LHFPL2: variants seen among roughly 807,000 people sequenced by gnomAD.
LHFPL2 encodes the protein LHFPL tetraspan subfamily member 2, also known as LHFPL tetraspan subfamily member 2 protein.
LHFPL2 carries 7 observed loss-of-function variants against 17.5 expected under a neutral mutation model. That is an observed-to-expected ratio of 0.40 (90% CI 0.23 to 0.75). The LOEUF is 0.75. LHFPL2 is among the 30% of genes least tolerant of loss of function. The probability of loss-of-function intolerance (pLI) is 0.37; values close to 1 mark genes in which losing one functional copy is unlikely to be tolerated. For missense variants in LHFPL2, 241 were observed against 294.8 expected, an observed-to-expected ratio of 0.82 and a Z score of 1.34; for synonymous variants, 134 against 116.2, an observed-to-expected ratio of 1.15 and a Z score of -0.99.
chr5:78,548,862 G>T (rs927284113), intron 3 of LHFPL2, among the ~76,000 whole-genome samples: 4 of 152,198 alleles, frequency 2.6e-5, no homozygotes, highest in Non-Finnish European at 5.9e-5. Context: ...CAGAAATTTA[G>T]ATTTAAACCA....
chr5:78,561,949 C>A (rs1212284077), intron 3 of LHFPL2, among the ~76,000 whole-genome samples: 1 of 152,192 alleles, frequency 6.6e-6, no homozygotes, highest in Non-Finnish European at 1.5e-5. Context: ...AGCCTTCTCA[C>A]AATTCTCATG....
At chr5:78,555,497 C>T (rs1756548642) in intron 3 of LHFPL2, among the ~76,000 whole-genome samples, 1 of 152,158 alleles carries the variant, frequency 6.6e-6, no homozygotes, top group South Asian at 2.1e-4. Flanking sequence ...GGAAGGAGGA[C>T]AGACAGGAAT....
intron 2 of LHFPL2, among the ~76,000 whole-genome samples, chr5:78,584,466 G>A (rs1462422067): frequency 6.6e-6 from 1 of 152,076 alleles, no homozygotes; most frequent in African/African-American, 2.4e-5. Context: ...TTTTTGGTGT[G>A]GATGTCCTTT....
At chr5:78,500,491 T>C (rs977027220) in intron 4 of LHFPL2, among the ~76,000 whole-genome samples, 9 of 151,976 alleles carry the variant, frequency 5.9e-5, no homozygotes, top group South Asian at 2.1e-4. Context: ...ACACCGAGGG[T>C]TGGGGGGAGG....
Position 78,584,993 on chromosome 5 carries a change from GTGTTTTTTTTTTTT to G in LHFPL2, c.-244-20136_-244-20123del, listed in dbSNP as rs1424787866. On this transcript the variant is annotated intron_variant, in intron 2 of 4. Coordinates refer to ENST00000380345, the MANE Select transcript of LHFPL2 (RefSeq NM_005779.3). ...GCGGGATATAATCTCCTGGTGCGCT[GTGTTTTTTTTTTTT>G]TTTTTTTTTTTTTTTTTGAGACGGA... Among the ~76,000 whole-genome samples, 24 of 84,772 alleles carry G rather than the reference GTGTTTTTTTTTTTT, an allele frequency of 2.8e-4. 2 individuals are homozygous for G. Among genetic ancestry groups the G allele is most frequent in the African/African-American group, 1.2e-3 (24 of 20,190 alleles). 55.6% of individuals were successfully genotyped at this position (84,772 alleles called of 152,430 possible).
intron 2 of LHFPL2, chr5:78,624,839 C>T (rs1162347413): frequency 5.3e-5 from 8 of 150,634 alleles, no homozygotes; most frequent in African/African-American, 1.7e-4. Flanking sequence ...GAGTTTCGCT[C>T]GTCACCCAGG....
chr5:78,524,548 C>T (rs897512431), intron 3 of LHFPL2, among the ~76,000 whole-genome samples: 1 of 152,054 alleles, frequency 6.6e-6, no homozygotes, highest in Admixed American at 6.5e-5. Flanking sequence ...TCAAGATCAG[C>T]CTGGACAAAA....
At chr5:78,579,388 A>T (rs981976462) in intron 2 of LHFPL2, among the ~76,000 whole-genome samples, 6 of 151,994 alleles carry the variant, frequency 3.9e-5, no homozygotes, top group African/African-American at 1.2e-4. Context: ...CATGTGCACA[A>T]TGTGCAGGTT....
At chr5:78,492,861 C>T (rs541846070) in intron 4 of LHFPL2, among the ~76,000 whole-genome samples, 4 of 152,276 alleles carry the variant, frequency 2.6e-5, no homozygotes, top group Middle Eastern at 3.4e-3. Context: ...CAGCCAGCCC[C>T]GACAAGCACA....
Position 78,509,655 on chromosome 5 carries a change from G to A in LHFPL2, c.430+129C>T, listed in dbSNP as rs1755043165. The A allele has an allele frequency of 4.2e-6, 4 of 957,766 alleles. No homozygotes were observed. In the East Asian group the frequency reaches 7.2e-5, roughly 17 times the overall value. 59.3% of individuals were successfully genotyped at this position (957,766 alleles called of 1,614,324 possible). A position where few individuals can be genotyped will look rare whatever the true frequency, so the allele number is the denominator to read the frequency against. ...CGTCGCCTAGAACGGAAGGGGCAAAGGAAACCTGAATAGACAGAAAGTGGT... is the reference window on the plus strand; with the variant it reads ...CGTCGCCTAGAACGGAAGGGGCAAAAGAAACCTGAATAGACAGAAAGTGGT... On this transcript the variant is annotated intron_variant, in intron 4 of 4. Coordinates refer to ENST00000380345, the MANE Select transcript of LHFPL2 (RefSeq NM_005779.3).
In LHFPL2 at chr5:78,648,254, C is replaced by G. The variant is rs1745959518; in HGVS notation, c.-350+245G>C. On this transcript the variant is annotated intron_variant, in intron 1 of 4. Transcript: ENST00000380345. This position sits in a 1 kb window ranked among gnomAD's most constrained non-coding sequence, Gnocchi z 5.4. Reference sequence around the variant, plus strand: ...TTTTTTCCACTTCTGCGGCCGCCGGCGGCGCTGAGAAGCAGCTGTTCCCTT... The same window carrying G: ...TTTTTTCCACTTCTGCGGCCGCCGGGGGCGCTGAGAAGCAGCTGTTCCCTT... 6.6e-6 allele frequency among the ~76,000 whole-genome samples: 1 copy of G among 152,092 alleles called. No individual in the cohort carries two copies. The highest frequency in any genetic ancestry group is 2.1e-4 in the South Asian group (1 of 4,834).
At chr5:78,547,353 C>G (rs1756308627) in intron 3 of LHFPL2, among the ~76,000 whole-genome samples, 1 of 152,220 alleles carries the variant, frequency 6.6e-6, no homozygotes, top group Non-Finnish European at 1.5e-5. Context: ...GTTTTACTGA[C>G]TACACATTGA....
chr5:78,582,463 C>T (rs958887577), intron 2 of LHFPL2, among the ~76,000 whole-genome samples: 3 of 150,860 alleles, frequency 2.0e-5, no homozygotes, highest in Non-Finnish European at 4.4e-5. Context: ...TTGAATGCGT[C>T]CCAGAGATTC....
chr5:78,617,702 A>G (rs1238984632), intron 2 of LHFPL2, among the ~76,000 whole-genome samples: 16 of 152,206 alleles, frequency 1.1e-4, no homozygotes, highest in Admixed American at 1.0e-3. Context: ...TATGAGAGCA[A>G]TAATTTAGGA....
chr5:78,531,755 G>A (rs998694038), intron 3 of LHFPL2, among the ~76,000 whole-genome samples: 4 of 152,090 alleles, frequency 2.6e-5, no homozygotes, highest in African/African-American at 4.8e-5. Context: ...GCTCTTAAAA[G>A]GGATCTGACT....
At chr5:78,516,484 G>A (rs1417148276) in intron 3 of LHFPL2, among the ~76,000 whole-genome samples, 2 of 152,054 alleles carry the variant, frequency 1.3e-5, no homozygotes, top group African/African-American at 4.8e-5. Flanking sequence ...GGTATCTGGT[G>A]GACAGGGGCG....
At chr5:78,543,934 G>A (rs879350630) in intron 3 of LHFPL2, among the ~76,000 whole-genome samples, 8 of 152,216 alleles carry the variant, frequency 5.3e-5, no homozygotes, top group African/African-American at 1.7e-4. Flanking sequence ...ATTCCAGGTG[G>A]AGATAGCAGA....
In LHFPL2 at chr5:78,487,594, G is replaced by GATAC. The variant is rs1450865888; in HGVS notation, c.*1299_*1302dup. On this transcript the variant is annotated 3_prime_UTR_variant, in exon 5 of 5. Transcript: ENST00000380345. ...TTCTGTGCTGCTCTGGTCATTCTGA[G>GATAC]ATACTATCTTCCTGAATCAGTGATA... 1 of 152,146 alleles carries GATAC rather than the reference G, an allele frequency of 6.6e-6. No individual in the cohort carries two copies. The highest frequency in any genetic ancestry group is 6.5e-5 in the Admixed American group (1 of 15,280). 9.4% of individuals were successfully genotyped at this position (152,146 alleles called of 1,614,324 possible).
chr5:78,570,825 T>A (rs535140665), intron 2 of LHFPL2, among the ~76,000 whole-genome samples: 1 of 151,994 alleles, frequency 6.6e-6, no homozygotes, highest in Non-Finnish European at 1.5e-5. Context: ...ACTTGGGGAA[T>A]AGGCCAGGCA....
Sources: gnomAD v4.1 joint callset for allele counts (sites outside exome capture counted in the v4.1 genomes callset) on GRCh38, gnomAD v4.1.1 for gene constraint, Gnocchi (gnomAD v3.1) non-coding constraint, MANE v1.5 for transcripts, NCBI Gene and HGNC (gene_info 2026-07-23, HGNC 2026-07-21) for gene names.